The following ADGRG6 variants were observed in gnomAD, a reference collection of about 807,000 sequenced individuals.
ADGRG6 encodes the protein G-protein coupled receptor 126.
In ADGRG6, 84 loss-of-function variants were observed where a neutral mutation model predicts 142.4. The observed-to-expected ratio is 0.59, with a 90% CI of 0.49 to 0.71. ADGRG6 has a LOEUF of 0.71. Among genes scored for constraint, ADGRG6 ranks in the 30% least tolerant of loss-of-function variants. The probability of loss-of-function intolerance (pLI) is 0.00; values close to 1 mark genes in which losing one functional copy is unlikely to be tolerated. For missense variants in ADGRG6, 1,367 were observed against 1,466.6 expected (o/e 0.93, Z 1.11); for synonymous variants, 521 against 520.5 (o/e 1.00, Z -0.01).
At chr6:142,383,551 T>G (rs1273491363) in intron 5 of ADGRG6, among the ~76,000 whole-genome samples, 4 of 152,160 alleles carry the variant, frequency 2.6e-5, no homozygotes, top group African/African-American at 7.2e-5. Context: ...CCTTGTGTAT[T>G]ATAGCATCAA....
In ADGRG6 at chr6:142,390,316, A is replaced by G; in HGVS notation, c.1281A>G (p.Val427=). The change falls in exon 7 of 25, where the codon GTA becomes GTG. Residue 427 remains valine, a synonymous_variant. Coordinates refer to ENST00000367609, the MANE Select transcript of ADGRG6 (RefSeq NM_198569.3). The part of the protein sequence containing the change: ...VIQNILRHPE[V]KVQSKVAEWL... ...AGAACATCCTTCGTCACCCTGAGGT[A>G]AAAGTACAGAGCAAGGTGGCAGAAT... 1 of 1,599,684 alleles carries G rather than the reference A, an allele frequency of 6.3e-7. No homozygotes were observed. The highest frequency in any genetic ancestry group is 8.6e-7 in the Non-Finnish European group (1 of 1,169,298).
chr6:142,438,363 A>G lies in ADGRG6; in HGVS notation c.3573A>G (p.Thr1191=). The G allele has an allele frequency of 6.2e-7, 1 of 1,600,492 alleles. No individual in the cohort carries two copies. The highest frequency in any genetic ancestry group is 8.5e-7 in the Non-Finnish European group (1 of 1,173,472). The change falls in exon 24 of 25, where the codon ACA becomes ACG. Residue 1191 remains threonine (T), a splice_region_variant and synonymous_variant. Transcript: ENST00000367609. ...CCTATTTCAAAAGGAATAGCCACAC[A>G]GGTGAGTCTAAAGATGTCCTCAAGT... ...STTYFKRNSH[T]DSASMDKSLS... is the part of the protein sequence containing the mutation.
At chr6:142,360,564 A>G (rs1325539096) in intron 2 of ADGRG6, among the ~76,000 whole-genome samples, 1 of 152,160 alleles carries the variant, frequency 6.6e-6, no homozygotes, top group Admixed American at 6.5e-5. Context: ...TCATTACTGG[A>G]TGTGGAATGG....
intron 6 of ADGRG6, among the ~76,000 whole-genome samples, chr6:142,385,495 T>A (rs1781977793): frequency 6.6e-6 from 1 of 152,192 alleles, no homozygotes. Context: ...TTTACTATGT[T>A]TTTTTTCCTA....
rs1162105647 is a variant in ADGRG6, at chr6:142,381,969, T to C, written c.1088T>C (p.Leu363Pro). 3 of 1,604,674 alleles carry C rather than the reference T, an allele frequency of 1.9e-6. No individual in the cohort carries two copies. The highest frequency in any genetic ancestry group is 1.7e-5 in the Admixed American group (1 of 59,368). The stretch of plus-strand genomic sequence containing the variant: ...GATCAAGGTTCCTACCTGATCCCGC[T>C]CCCAGCAGCAGAACTGGCCAGCTGT... ...NLSCGSYLIP[L>P]PAAELASCAD... The change falls in exon 5 of 25, where the codon CTC becomes CCC. Residue 363 changes from leucine (L) to proline (P), a missense_variant. Physicochemically the swap from Leu to Pro is moderately conservative, Grantham distance 98. Transcript: ENST00000367609.
intron 22 of ADGRG6, among the ~76,000 whole-genome samples, chr6:142,424,956 A>G (rs1776867187): frequency 6.6e-6 from 1 of 152,202 alleles, no homozygotes; most frequent in Non-Finnish European, 1.5e-5. Context: ...AAGAGTAGGA[A>G]GAATAATATT....
rs572079810 is a variant in ADGRG6, at chr6:142,402,842, T to A, written c.1955+12T>A. ...GAGTCATCTTCTGAGTAAGTATTTTTTTTTTCCTGGAGAGTAAATTTTATT... is the reference window on the plus strand; with the variant it reads ...GAGTCATCTTCTGAGTAAGTATTTTATTTTTCCTGGAGAGTAAATTTTATT... On this transcript the variant is annotated intron_variant, in intron 13 of 24. Transcript: ENST00000367609. 2 of 1,457,490 alleles carry A rather than the reference T, an allele frequency of 1.4e-6. No homozygotes were observed. The highest frequency in any genetic ancestry group is 2.3e-5 in the East Asian group (1 of 43,564). 90.3% of individuals were successfully genotyped at this position (1,457,490 alleles called of 1,614,324 possible).
intron 4 of ADGRG6, among the ~76,000 whole-genome samples, chr6:142,373,645 C>A (rs547389542): frequency 6.6e-6 from 1 of 152,262 alleles, no homozygotes; most frequent in South Asian, 2.1e-4. Flanking sequence ...CTCAAGTGAT[C>A]CTCCTACTTC....
At chr6:142,380,227 T>G (rs987442158) in intron 4 of ADGRG6, among the ~76,000 whole-genome samples, 2 of 152,106 alleles carry the variant, frequency 1.3e-5, no homozygotes, top group East Asian at 3.9e-4. Flanking sequence ...AGACTTAGGG[T>G]CTATGTTGAT....
At chr6:142,352,929 G>A (rs575714667) in intron 2 of ADGRG6, among the ~76,000 whole-genome samples, 25 of 152,168 alleles carry the variant, frequency 1.6e-4, no homozygotes, top group Middle Eastern at 3.4e-3. Context: ...AAATTTCAGA[G>A]GGCATGCCAC....
chr6:142,339,495 C>G (rs1562322426), intron 2 of ADGRG6, among the ~76,000 whole-genome samples: 1 of 152,138 alleles, frequency 6.6e-6, no homozygotes, highest in Non-Finnish European at 1.5e-5. Flanking sequence ...AGTACTGATG[C>G]AAACTTTGGC....
chr6:142,317,847 A>ATTAATTTATAGT (rs1206063755), intron 2 of ADGRG6, among the ~76,000 whole-genome samples: 1 of 78,502 alleles, frequency 1.3e-5, no homozygotes, highest in African/African-American at 6.0e-5. Context: ...ATTTATATAT[A>ATTAATTTATAGT]ATATATATTT....
At chr6:142,434,659 C>T (rs1777390248) in intron 22 of ADGRG6, among the ~76,000 whole-genome samples, 1 of 152,090 alleles carries the variant, frequency 6.6e-6, no homozygotes, top group African/African-American at 2.4e-5. Flanking sequence ...TACTTGAAAT[C>T]AATGACCAAA....
chr6:142,443,102 T>A (rs376616326), intron 24 of ADGRG6, among the ~76,000 whole-genome samples: 8 of 152,278 alleles, frequency 5.3e-5, no homozygotes, highest in African/African-American at 1.9e-4. Flanking sequence ...TTTCGTATGG[T>A]AAGCCACAGT....
At chr6:142,355,722 A>C (rs967998872) in intron 2 of ADGRG6, among the ~76,000 whole-genome samples, 16 of 151,800 alleles carry the variant, frequency 1.1e-4, no homozygotes, top group Non-Finnish European at 1.8e-4. Context: ...CAGCCCACCC[A>C]CTTTTTGTGG....
chr6:142,410,309 T>C (rs1275700336), intron 17 of ADGRG6, among the ~76,000 whole-genome samples: 3 of 152,066 alleles, frequency 2.0e-5, no homozygotes, highest in African/African-American at 7.2e-5. Context: ...CAATTTAAAA[T>C]CCAGCTTCCA....
chr6:142,399,779 T>C (rs1775407307), intron 10 of ADGRG6, among the ~76,000 whole-genome samples: 1 of 152,248 alleles, frequency 6.6e-6, no homozygotes, highest in Admixed American at 6.5e-5. Context: ...CCCAGAAAAC[T>C]GATATAACTC....
At chr6:142,429,509 T>C (rs1777111186) in intron 22 of ADGRG6, among the ~76,000 whole-genome samples, 1 of 152,138 alleles carries the variant, frequency 6.6e-6, no homozygotes, top group Non-Finnish European at 1.5e-5. Context: ...CTTGGTAGTA[T>C]GAAAGGAGGA....
intron 2 of ADGRG6, among the ~76,000 whole-genome samples, chr6:142,336,694 C>A (rs1294919691): frequency 6.6e-6 from 1 of 152,134 alleles, no homozygotes; most frequent in Non-Finnish European, 1.5e-5. Context: ...TATATTTGTA[C>A]ATAGATAACA....
Sources: gnomAD v4.1 joint callset for allele counts (sites outside exome capture counted in the v4.1 genomes callset) on GRCh38, gnomAD v4.1.1 for gene constraint, MANE v1.5 for transcripts, NCBI Gene and HGNC (gene_info 2026-07-23, HGNC 2026-07-21) for gene names.